The following TSHZ3 variants were observed in gnomAD, a reference collection of about 807,000 sequenced individuals.
TSHZ3 encodes the protein teashirt zinc finger homeobox 3, also known as teashirt homolog 3.
A neutral mutation model predicts 64.5 loss-of-function variants in TSHZ3; 10 were observed. The ratio of observed to expected loss-of-function variants is 0.16; its 90% CI spans 0.10 to 0.26. TSHZ3 has a LOEUF of 0.26. TSHZ3 is among the 10% of genes least tolerant of loss of function. The pLI, the probability that TSHZ3 is intolerant of heterozygous loss-of-function variation, is 1.00. For missense variants in TSHZ3, 1,242 were observed against 1,421.7 expected, an observed-to-expected ratio of 0.87 and a Z score of 2.03; for synonymous variants, 608 against 593.1, an observed-to-expected ratio of 1.03 and a Z score of -0.36.
At chr19:31,190,649 A>C (rs910873910) in intron 5 of TSHZ3, among the ~76,000 whole-genome samples, 57 of 152,296 alleles carry the variant, frequency 3.7e-4, no homozygotes, top group Non-Finnish European at 6.9e-4. Flanking sequence ...CAGTTAAAAA[A>C]ATCACTAGAT....
intron 1 of TSHZ3, among the ~76,000 whole-genome samples, chr19:31,247,638 A>G (rs976208947): frequency 6.6e-6 from 1 of 152,206 alleles, no homozygotes; most frequent in Non-Finnish European, 1.5e-5. Context: ...GTGTTAGGAT[A>G]ATCAGCCCCA....
Position 31,278,079 on chromosome 19 carries a change from G to T in TSHZ3, c.1714C>A (p.Pro572Thr). 3 of 1,614,138 alleles carry T rather than the reference G, an allele frequency of 1.9e-6. No homozygotes were observed. The highest frequency in any genetic ancestry group is 1.1e-5 in the South Asian group (1 of 91,084). The change falls in exon 2 of 2, where the codon CCC becomes ACC. Residue 572 changes from proline (P) to threonine (T), a missense_variant. Coordinates refer to ENST00000240587, the MANE Select transcript of TSHZ3 (RefSeq NM_020856.4). This position sits in a 1 kb window ranked among gnomAD's most constrained non-coding sequence, Gnocchi z 4.7. ...CTGTTGCCAAACATGGGTTTCAGGGGCGTGCTCTTCCCCGACGAGCCCAGG... is the reference window on the plus strand; with the variant it reads ...CTGTTGCCAAACATGGGTTTCAGGGTCGTGCTCTTCCCCGACGAGCCCAGG... Reference protein sequence around the residue: ...LSLGSSGKSTPLKPMFGNSEI... With the variant: ...LSLGSSGKSTTLKPMFGNSEI...
At chr19:31,239,265 T>C (rs1326845318) in intron 3 of TSHZ3, among the ~76,000 whole-genome samples, 1 of 152,138 alleles carries the variant, frequency 6.6e-6, no homozygotes, top group Non-Finnish European at 1.5e-5. Context: ...ACAGTGTTAT[T>C]ATTTATGTGA....
At chr19:31,171,089 A>T (rs1046951612) in intron 5 of TSHZ3, among the ~76,000 whole-genome samples, 1 of 152,134 alleles carries the variant, frequency 6.6e-6, no homozygotes, top group Non-Finnish European at 1.5e-5. Flanking sequence ...GGTGGGAAAA[A>T]TGGTCTCAGT....
chr19:31,206,077 ATGGATGGATGG>A (rs1568347639), intron 4 of TSHZ3, among the ~76,000 whole-genome samples: 4 of 4,896 alleles, frequency 8.2e-4, no homozygotes, highest in Non-Finnish European at 1.2e-3. Flanking sequence ...GATGGGTGAA[ATGGATGGATGG>A]ATGGATGGAT....
At chr19:31,316,352 A>G (rs1916602209) in intron 1 of TSHZ3, among the ~76,000 whole-genome samples, 1 of 152,200 alleles carries the variant, frequency 6.6e-6, no homozygotes, top group Admixed American at 6.5e-5. Flanking sequence ...ATTAAAGGGG[A>G]AGACGGCACC....
chr19:31,178,457 A>C (rs1974646971), intron 5 of TSHZ3, among the ~76,000 whole-genome samples: 1 of 152,204 alleles, frequency 6.6e-6, no homozygotes, highest in Non-Finnish European at 1.5e-5. Flanking sequence ...AGTCAGGTGG[A>C]TCGCCTGAGG....
At chr19:31,318,601 T>G (rs1370639625) in intron 1 of TSHZ3, among the ~76,000 whole-genome samples, 1 of 152,210 alleles carries the variant, frequency 6.6e-6, no homozygotes, top group Non-Finnish European at 1.5e-5. Flanking sequence ...AAATCCTTTT[T>G]TTGTAAAATA....
chr19:31,273,801 C>T (rs1432477262), downstream of TSHZ3, among the ~76,000 whole-genome samples: 1 of 152,300 alleles, frequency 6.6e-6, no homozygotes, highest in African/African-American at 2.4e-5. Context: ...AGAAAAGAAC[C>T]AGGGCCAGCC....
chr19:31,198,644 T>C (rs986960880), intron 5 of TSHZ3, among the ~76,000 whole-genome samples: 5 of 152,244 alleles, frequency 3.3e-5, no homozygotes, highest in Middle Eastern at 3.4e-3. Flanking sequence ...AATGAACAAG[T>C]AGAATTTGAA....
chr19:31,325,558 G>A (rs778481126), intron 1 of TSHZ3, among the ~76,000 whole-genome samples: 1 of 152,162 alleles, frequency 6.6e-6, no homozygotes, highest in Non-Finnish European at 1.5e-5. Flanking sequence ...CATCACGCGC[G>A]CACTCCCACG....
intron 1 of TSHZ3, among the ~76,000 whole-genome samples, chr19:31,269,620 T>C (rs1369769181): frequency 6.6e-6 from 1 of 152,198 alleles, no homozygotes; most frequent in Non-Finnish European, 1.5e-5. Context: ...CATAATTTCA[T>C]TTCACTTGGC....
intron 1 of TSHZ3, among the ~76,000 whole-genome samples, chr19:31,256,603 G>A (rs1975914425): frequency 6.6e-6 from 1 of 152,144 alleles, no homozygotes; most frequent in South Asian, 2.1e-4. Context: ...TATCATATAT[G>A]CCTTCATTTT....
intron 1 of TSHZ3, among the ~76,000 whole-genome samples, chr19:31,332,503 T>C (rs1917125092): frequency 6.6e-6 from 1 of 152,056 alleles, no homozygotes; most frequent in African/African-American, 2.4e-5. Flanking sequence ...TCATCAGATG[T>C]GATTGGGGCA....
chr19:31,307,529 C>A (rs1274030103), intron 1 of TSHZ3, among the ~76,000 whole-genome samples: 1 of 152,188 alleles, frequency 6.6e-6, no homozygotes, highest in African/African-American at 2.4e-5. Context: ...TAGGACCCCA[C>A]AAATAAAACC....
chr19:31,321,163 C>T (rs992609757), intron 1 of TSHZ3, among the ~76,000 whole-genome samples: 23 of 152,218 alleles, frequency 1.5e-4, no homozygotes, highest in African/African-American at 5.1e-4. Context: ...TCCAGCATCC[C>T]TTTCCACCAA....
intron 1 of TSHZ3, among the ~76,000 whole-genome samples, chr19:31,250,608 G>A (rs867133880): frequency 2.6e-5 from 4 of 152,158 alleles, no homozygotes; most frequent in South Asian, 2.1e-4. Context: ...AGTGGAATAC[G>A]CTAAGTATTT....
chr19:31,166,970 A>G (rs1974461805), intron 5 of TSHZ3, among the ~76,000 whole-genome samples: 1 of 152,192 alleles, frequency 6.6e-6, no homozygotes, highest in South Asian at 2.1e-4. Flanking sequence ...TAGATGGCAG[A>G]TCTTTAACAC....
chr19:31,317,060 AC>A (rs970075992), intron 1 of TSHZ3, among the ~76,000 whole-genome samples: 6 of 152,182 alleles, frequency 3.9e-5, no homozygotes. Flanking sequence ...CAAAGAAAGG[AC>A]CACGGGAGTT....
Sources: gnomAD v4.1 joint callset for allele counts (sites outside exome capture counted in the v4.1 genomes callset) on GRCh38, gnomAD v4.1.1 for gene constraint, Gnocchi (gnomAD v3.1) non-coding constraint, MANE v1.5 for transcripts, NCBI Gene and HGNC (gene_info 2026-07-23, HGNC 2026-07-21) for gene names.